The following APBB1IP variants were observed in gnomAD, a reference collection of about 807,000 sequenced individuals.
The protein encoded by APBB1IP is amyloid beta precursor protein binding family B member 1 interacting protein, also known as amyloid beta A4 precursor protein-binding family B member 1-interacting protein.
APBB1IP carries 27 observed loss-of-function variants against 64.9 expected under a neutral mutation model. The ratio of observed to expected loss-of-function variants is 0.42; its 90% CI spans 0.31 to 0.57. The LOEUF is 0.57. Among genes scored for constraint, APBB1IP ranks in the 20% least tolerant of loss-of-function variants. The pLI is 0.20. For synonymous variants in APBB1IP, 392 were observed against 331.0 expected, an observed-to-expected ratio of 1.18 and a Z score of -2.00; for missense variants, 812 against 845.5, an observed-to-expected ratio of 0.96 and a Z score of 0.49.
chr10:26,501,218 G>C, intron 5 of APBB1IP, 107 bp downstream of exon 5: 1 of 1,506,750 alleles, frequency 6.6e-7, no homozygotes, highest in Non-Finnish European at 9.1e-7. Flanking sequence ...CCAAAGATCT[G>C]AGATACTAAA....
intron 8 of APBB1IP, among the ~76,000 whole-genome samples, chr10:26,516,569 G>A (rs1032886615): frequency 7.7e-5 from 5 of 65,046 alleles, no homozygotes; most frequent in African/African-American, 6.9e-5. Context: ...AAAGTAAAGC[G>A]GAAAAGTCAA....
chr10:26,522,225 G>A (rs575641453), intron 8 of APBB1IP, among the ~76,000 whole-genome samples: 1 of 151,882 alleles, frequency 6.6e-6, no homozygotes, highest in South Asian at 2.1e-4. Flanking sequence ...TTTCTTTTCA[G>A]AACAGTTAGA....
At chr10:26,439,327 T>A (rs529764063) in intron 2 of APBB1IP, among the ~76,000 whole-genome samples, 2 of 152,184 alleles carry the variant, frequency 1.3e-5, no homozygotes, top group Admixed American at 6.5e-5. Flanking sequence ...TGGCTCGCAG[T>A]CTGATGCATC....
intron 2 of APBB1IP, among the ~76,000 whole-genome samples, chr10:26,456,503 G>C (rs931392457): frequency 3.9e-5 from 6 of 152,092 alleles, no homozygotes; most frequent in Non-Finnish European, 7.4e-5. Flanking sequence ...ACAGTAGAGA[G>C]CCACTGAAAA....
At chr10:26,451,228 G>T (rs1835462142) in intron 2 of APBB1IP, among the ~76,000 whole-genome samples, 2 of 152,140 alleles carry the variant, frequency 1.3e-5, no homozygotes, top group Non-Finnish European at 2.9e-5. Flanking sequence ...AAACCAGGTT[G>T]GGAGTCACAT....
Position 26,503,186 on chromosome 10 carries a change from C to A in APBB1IP, c.454-11C>A. On this transcript the variant is annotated splice_polypyrimidine_tract_variant and intron_variant, in intron 5 of 14. Transcript: ENST00000376236. ...ATGGACTGTATTGAAGAATATCTTGCCCTTTTCCAGGAAGAGGAAGAAGCC... is the reference window on the plus strand; with the variant it reads ...ATGGACTGTATTGAAGAATATCTTGACCTTTTCCAGGAAGAGGAAGAAGCC... The A allele has an allele frequency of 6.2e-7, 1 of 1,613,694 alleles. No homozygotes were observed. Among genetic ancestry groups the A allele is most frequent in the South Asian group, 1.1e-5 (1 of 91,064 alleles).
chr10:26,517,465 G>T (rs1448521643), intron 8 of APBB1IP, among the ~76,000 whole-genome samples: 1 of 152,148 alleles, frequency 6.6e-6, no homozygotes, highest in Admixed American at 6.5e-5. Context: ...TTGAGACAGG[G>T]TCTCGCTCTG....
intron 11 of APBB1IP, among the ~76,000 whole-genome samples, chr10:26,558,571 G>A (rs1235195407): frequency 2.6e-5 from 4 of 151,428 alleles, no homozygotes; most frequent in African/African-American, 4.9e-5. Flanking sequence ...ACTTGAGCCC[G>A]GGGTTTCAGC....
At chr10:26,471,693 T>C (rs1306619147) in intron 2 of APBB1IP, among the ~76,000 whole-genome samples, 1 of 149,160 alleles carries the variant, frequency 6.7e-6, no homozygotes, top group Admixed American at 6.7e-5. Flanking sequence ...GCTTTTTTTG[T>C]TTTTTTTTGT....
intron 8 of APBB1IP, among the ~76,000 whole-genome samples, chr10:26,529,467 G>A (rs1393233237): frequency 2.0e-5 from 3 of 152,244 alleles, no homozygotes; most frequent in African/African-American, 7.2e-5. Flanking sequence ...AAGTATGTCA[G>A]AGAAAGTTCT....
intron 4 of APBB1IP, 149 bp downstream of exon 4, chr10:26,496,540 TGTGTCTAGATTGAATTGAGA>T: frequency 3.1e-6 from 2 of 642,170 alleles, no homozygotes; most frequent in African/African-American, 3.7e-5. Flanking sequence ...TGGGTTTTAC[TGTGTCTAGATTGAATTGAGA>T]GAGTCAAGAA....
intron 2 of APBB1IP, 53 bp from the exon 3 acceptor site, chr10:26,492,274 C>G: frequency 1.3e-6 from 2 of 1,530,290 alleles, no homozygotes; most frequent in Non-Finnish European, 1.8e-6. Flanking sequence ...AAAGAGTATC[C>G]TAGGATCAGG....
At chr10:26,566,676 AG>A (rs1837048461) in intron 14 of APBB1IP, among the ~76,000 whole-genome samples, 1 of 152,140 alleles carries the variant, frequency 6.6e-6, no homozygotes, top group East Asian at 1.9e-4. Context: ...TGAGGGACAG[AG>A]GCTCCCCAGG....
At chr10:26,522,518 C>T (rs1441785287) in intron 8 of APBB1IP, among the ~76,000 whole-genome samples, 1 of 151,958 alleles carries the variant, frequency 6.6e-6, no homozygotes, top group South Asian at 2.1e-4. Context: ...AAAGATTTAT[C>T]CTATTGTAAT....
At chr10:26,533,555 A>C (rs753259224) in intron 9 of APBB1IP, 30 bp downstream of exon 9, 1 of 1,442,748 alleles carries the variant, frequency 6.9e-7, no homozygotes, top group Non-Finnish European at 9.4e-7. Context: ...GTGGAAGAAA[A>C]GAGAAGGACG....
At position 26,475,810 on chromosome 10, in the gene APBB1IP, T is replaced by TTCTCC. The variant is rs1249024313; in HGVS notation, c.1-16517_1-16516insTCTCC. Among the ~76,000 whole-genome samples, 3 of 152,242 alleles carry TTCTCC rather than the reference T, an allele frequency of 2.0e-5. No individual in the cohort carries two copies. The East Asian group carries it at 5.8e-4, about 29-fold the overall frequency. ...TCCCTGCTACTGCTTTTCATTCTGC[T>TTCTCC]CTTCTCCCTTCTTCCCCTTCTCTGT... On this transcript the variant is annotated intron_variant, in intron 2 of 14. Transcript: ENST00000376236.
rs777394719 is a variant in APBB1IP at position 26,562,463 on chromosome 10, A to G, written c.1473+34A>G. 6 of 1,562,108 alleles carry G rather than the reference A, an allele frequency of 3.8e-6. No homozygotes were observed. In the African/African-American group the frequency reaches 5.4e-5, roughly 14 times the overall value. On this transcript the variant is annotated intron_variant, in intron 14 of 14. Transcript: ENST00000376236. Reference sequence around the variant, plus strand: ...AGCAAGCAGCTGACCCCTATAAGCCATGTTCTAAACCATTCACATTATTCC... The same window carrying G: ...AGCAAGCAGCTGACCCCTATAAGCCGTGTTCTAAACCATTCACATTATTCC...
At chr10:26,565,251 A>T (rs2132487591) in intron 14 of APBB1IP, among the ~76,000 whole-genome samples, 1 of 152,330 alleles carries the variant, frequency 6.6e-6, no homozygotes, top group South Asian at 2.1e-4. Flanking sequence ...GTTGTGTGGA[A>T]TAGGAGCAAG....
chr10:26,447,597 T>C (rs1012406940), intron 2 of APBB1IP, among the ~76,000 whole-genome samples: 2 of 152,174 alleles, frequency 1.3e-5, no homozygotes, highest in Non-Finnish European at 2.9e-5. Context: ...AGTCAAATAC[T>C]GAGGCGCTTG....
Sources: allele counts gnomAD v4.1 joint callset (sites outside exome capture counted in the v4.1 genomes callset), GRCh38; gene constraint gnomAD v4.1.1; transcripts MANE v1.5; gene names NCBI Gene and HGNC (gene_info 2026-07-23, HGNC 2026-07-21).